Variants in ZNF658 observed in about 807,000 individuals in gnomAD.
ZNF658 encodes zinc finger protein 658.
ZNF658 carries 46 observed loss-of-function variants against 78.0 expected under a neutral mutation model. The observed-to-expected ratio is 0.59, with a 90% CI of 0.47 to 0.75. ZNF658 has a LOEUF of 0.75. Ranked by LOEUF, ZNF658 falls within the 30% of genes least tolerant of loss-of-function variation. ZNF658 has a pLI of 0.00. For missense variants in ZNF658, 785 were observed against 1,189.3 expected, an observed-to-expected ratio of 0.66 and a Z score of 5.00; for synonymous variants, 279 against 408.4, an observed-to-expected ratio of 0.68 and a Z score of 3.82.
At chr9:66,929,057 G>T (rs1383207782) in intron 6 of ZNF658, among the ~76,000 whole-genome samples, 1 of 151,952 alleles carries the variant, frequency 6.6e-6, no homozygotes, top group Non-Finnish European at 1.5e-5. Context: ...GAGACAGAGG[G>T]GTGTGACAAT....
chr9:66,926,459 C>G (rs1012667332), intron 6 of ZNF658, among the ~76,000 whole-genome samples: 1 of 151,612 alleles, frequency 6.6e-6, no homozygotes, highest in East Asian at 1.9e-4. Flanking sequence ...ATTAGGAAAC[C>G]AATCCCATTT....
intron 4 of ZNF658, among the ~76,000 whole-genome samples, chr9:66,913,284 G>C (rs535608890): frequency 6.6e-6 from 1 of 151,666 alleles, no homozygotes. Context: ...AATTAGCCAG[G>C]CGTGGTGGCA....
intron 1 of ZNF658, 168 bp from the exon 2 acceptor site, chr9:66,903,350 T>A: frequency 3.6e-6 from 2 of 548,062 alleles, no homozygotes; most frequent in Non-Finnish European, 6.6e-6. Context: ...TGCGATGATT[T>A]TTTTTTTTAG....
intron 1 of ZNF658, 122 bp from the exon 2 acceptor site, chr9:66,903,396 T>C (rs1277851272): frequency 6.0e-6 from 4 of 668,780 alleles, no homozygotes; most frequent in African/African-American, 5.5e-5. Flanking sequence ...TTGATTACAG[T>C]GGGGTTATGT....
chr9:66,930,786 G>T (rs1186630252), intron 6 of ZNF658, among the ~76,000 whole-genome samples: 2 of 150,892 alleles, frequency 1.3e-5, no homozygotes, highest in Non-Finnish European at 2.9e-5. Flanking sequence ...TCTGTAACCT[G>T]CATCCTTTGC....
chr9:66,913,285 C>T (rs1277327652), intron 4 of ZNF658, among the ~76,000 whole-genome samples: 2 of 151,778 alleles, frequency 1.3e-5, no homozygotes, highest in African/African-American at 2.4e-5. Context: ...ATTAGCCAGG[C>T]GTGGTGGCAG....
chr9:66,908,871 G>A (rs1023750792), intron 4 of ZNF658, 137 bp downstream of exon 4: 3 of 618,502 alleles, frequency 4.9e-6, no homozygotes, highest in Non-Finnish European at 8.7e-6. Flanking sequence ...AAGTGTACAG[G>A]TCAGTGACTT....
rs1413324166 is a variant in ZNF658 at position 66,907,402 on chromosome 9, A to T, written c.16-836A>T. On this transcript the variant is annotated intron_variant, in intron 2 of 4. Coordinates refer to ENST00000621410, the MANE Select transcript of ZNF658 (RefSeq NM_033160.7). ...AGCAGCTGCTTATTTTGAAATATAC[A>T]TTACTTTATTTTTCATTCTAGTCAT... Among the ~76,000 whole-genome samples the T allele has an allele frequency of 2.0e-5, 3 of 151,948 alleles. No homozygotes were observed. In the East Asian group the frequency reaches 5.8e-4, roughly 29 times the overall value.
intron 2 of ZNF658, among the ~76,000 whole-genome samples, 176 bp from the exon 3 acceptor site, chr9:66,908,062 A>G (rs1321973919): frequency 6.6e-6 from 1 of 151,298 alleles, no homozygotes; most frequent in Non-Finnish European, 1.5e-5. Context: ...ACATAGAGAA[A>G]TTATGGCAAG....
At chr9:66,904,549 A>G (rs891019064) in intron 2 of ZNF658, among the ~76,000 whole-genome samples, 1 of 152,038 alleles carries the variant, frequency 6.6e-6, no homozygotes, top group Non-Finnish European at 1.5e-5. Flanking sequence ...GATTCAATTC[A>G]TGTATCTTAC....
chr9:66,909,520 A>C (rs1270803999), intron 4 of ZNF658, among the ~76,000 whole-genome samples: 3 of 151,112 alleles, frequency 2.0e-5, no homozygotes, highest in African/African-American at 7.3e-5. Context: ...TAATGCTAAT[A>C]TAAACATTTA....
intron 4 of ZNF658, among the ~76,000 whole-genome samples, chr9:66,915,274 G>A (rs1822309319): frequency 6.6e-6 from 1 of 151,960 alleles, no homozygotes; most frequent in East Asian, 1.9e-4. Flanking sequence ...AAGTCTTTTA[G>A]ATTATTCTGC....
intron 4 of ZNF658, among the ~76,000 whole-genome samples, chr9:66,910,049 G>C (rs1158183812): frequency 1.3e-5 from 2 of 152,110 alleles, no homozygotes; most frequent in Admixed American, 6.6e-5. Context: ...TTCTTATAAA[G>C]ATATCAGTAC....
intron 6 of ZNF658, among the ~76,000 whole-genome samples, chr9:66,927,382 A>G (rs1822595931): frequency 6.6e-6 from 1 of 151,928 alleles, no homozygotes; most frequent in Non-Finnish European, 1.5e-5. Context: ...GAGAAAGGGA[A>G]CCCTTGTACA....
intron 4 of ZNF658, among the ~76,000 whole-genome samples, chr9:66,909,971 G>A (rs1455313629): frequency 6.6e-6 from 1 of 152,170 alleles, no homozygotes; most frequent in Non-Finnish European, 1.5e-5. Context: ...TTCTTGCTGT[G>A]TGTTCATGTG....
In ZNF658 at chr9:66,901,540, G is replaced by A. The variant is rs560113578; in HGVS notation, c.-45+704G>A. Among the ~76,000 whole-genome samples the A allele has an allele frequency of 1.3e-4, 19 of 151,758 alleles. No individual in the cohort carries two copies. The South Asian group carries it at 4.0e-3, about 32-fold the overall frequency. ...GCGATTTGTCGGGTCTCTGATTCAG[G>A]CTGAGGCTCCTGAATCCTCTTGTAC... On this transcript the variant is annotated intron_variant, in intron 1 of 4. Transcript: ENST00000621410.
intron 6 of ZNF658, among the ~76,000 whole-genome samples, chr9:66,927,141 G>A (rs4629923): frequency 0.53 from 80,642 of 151,802 alleles, 21,899 homozygotes; most frequent in African/African-American, 0.66. Flanking sequence ...TCCAAAATAC[G>A]TCAGGAACTC....
chr9:66,904,987 G>A lies in ZNF658; in HGVS notation c.15+1411G>A, dbSNP rs190435310. ...ACTTGTTTCTCTGTTACAGCTTTCCGATTGTCTGTCTTTTTAACACTCTGA... is the reference window on the plus strand; with the variant it reads ...ACTTGTTTCTCTGTTACAGCTTTCCAATTGTCTGTCTTTTTAACACTCTGA... On this transcript the variant is annotated intron_variant, in intron 2 of 4. Coordinates refer to ENST00000621410, the MANE Select transcript of ZNF658 (RefSeq NM_033160.7). 3.7e-3 allele frequency among the ~76,000 whole-genome samples: 543 copies of A among 148,732 alleles called. 6 individuals are homozygous for A. The highest frequency in any genetic ancestry group is 0.013 in the African/African-American group (510 of 40,170).
chr9:66,918,247 G>A lies in ZNF658; in HGVS notation c.681G>A (p.Lys227=), dbSNP rs765046050. Residue 227 remains lysine, a synonymous_variant, in exon 5 of 5, where the codon AAG becomes AAA. Transcript: ENST00000621410. ...GATCTGGACAAGGTTTATATGATAA[G>A]ACAATTTGTATTACACCTCAGAGTT... The part of the protein sequence containing the change: ...CDGSGQGLYD[K]TICITPQSFL... 3.1e-6 allele frequency: 5 copies of A among 1,606,248 alleles called. No individual in the cohort carries two copies. The highest frequency in any genetic ancestry group is 1.1e-5 in the South Asian group (1 of 89,584).
Sources: gnomAD v4.1 joint callset for allele counts (sites outside exome capture counted in the v4.1 genomes callset) on GRCh38, gnomAD v4.1.1 for gene constraint, MANE v1.5 for transcripts, NCBI Gene and HGNC (gene_info 2026-07-23, HGNC 2026-07-21) for gene names.